The following IL1RAPL2 variants were observed in gnomAD, a reference collection of about 807,000 sequenced individuals.
IL1RAPL2 encodes X-linked interleukin-1 receptor accessory protein-like 2.
In IL1RAPL2, 3 loss-of-function variants were observed where a neutral mutation model predicts 44.1. The observed-to-expected ratio is 0.07, with a 90% CI of 0.03 to 0.18. The LOEUF (loss-of-function observed/expected upper bound fraction) is 0.18. Ranked by LOEUF, IL1RAPL2 falls within the 10% of genes least tolerant of loss-of-function variation. The pLI is 1.00. For missense variants in IL1RAPL2, 391 were observed against 496.4 expected (o/e 0.79, Z 2.02); for synonymous variants, 181 against 178.8 (o/e 1.01, Z -0.10).
At chrX:105,428,407 T>C (rs1167629125) in intron 5 of IL1RAPL2, among the ~76,000 whole-genome samples, 2 of 111,669 alleles carry the variant, frequency 1.8e-5, no homozygotes, top group African/African-American at 6.5e-5. Context: ...GACATTTGCA[T>C]TGACAATCTC....
intron 5 of IL1RAPL2, among the ~76,000 whole-genome samples, chrX:105,272,726 T>C (rs2034456873): frequency 2.7e-5 from 3 of 112,754 alleles, no homozygotes; most frequent in Admixed American, 1.9e-4. Flanking sequence ...TTGGGATCAG[T>C]CTTTGGTGAA....
chrX:105,089,057 A>G (rs1007341515), intron 2 of IL1RAPL2, among the ~76,000 whole-genome samples: 2 of 111,558 alleles, frequency 1.8e-5, no homozygotes, highest in Admixed American at 1.9e-4. Flanking sequence ...AGAATTACAT[A>G]CCATTCACTC....
chrX:105,622,278 A>AAATAAT (rs374952697), intron 6 of IL1RAPL2, among the ~76,000 whole-genome samples: 205 of 99,388 alleles, frequency 2.1e-3, no homozygotes, highest in East Asian at 0.018. Context: ...AAGTCAATAA[A>AAATAAT]AATAATAATA....
chrX:105,525,812 G>A (rs1439933115), intron 6 of IL1RAPL2, among the ~76,000 whole-genome samples: 1 of 111,440 alleles, frequency 9.0e-6, no homozygotes, highest in Non-Finnish European at 1.9e-5. Context: ...CTCTTCCCAA[G>A]TTAGCAAGAG....
At chrX:105,581,336 C>T (rs1248685018) in intron 6 of IL1RAPL2, among the ~76,000 whole-genome samples, 1 of 111,309 alleles carries the variant, frequency 9.0e-6, no homozygotes, top group African/African-American at 3.3e-5. Context: ...TAAAAATTAC[C>T]TATGCTTCTA....
intron 10 of IL1RAPL2, 32 bp downstream of exon 10, chrX:105,755,379 T>C: frequency 9.3e-7 from 1 of 1,069,959 alleles, no homozygotes; most frequent in Non-Finnish European, 1.3e-6. Flanking sequence ...GTTTAAAACG[T>C]TCTGTTTCTT....
chrX:105,738,017 G>A (rs1182536683), intron 7 of IL1RAPL2, among the ~76,000 whole-genome samples: 2 of 111,338 alleles, frequency 1.8e-5, no homozygotes, highest in Non-Finnish European at 3.8e-5. Context: ...AAATGTAAAG[G>A]GCTTGAGATT....
chrX:105,293,086 C>G (rs377200116), intron 5 of IL1RAPL2, among the ~76,000 whole-genome samples: 1 of 90,189 alleles, frequency 1.1e-5, no homozygotes, highest in Non-Finnish European at 2.1e-5. Context: ...CCACTGCACT[C>G]CAGCCTAGGC....
intron 2 of IL1RAPL2, among the ~76,000 whole-genome samples, chrX:104,975,131 T>C (rs1279469379): frequency 9.0e-6 from 1 of 111,528 alleles, no homozygotes; most frequent in Non-Finnish European, 1.9e-5. Context: ...CTTGCAGGAA[T>C]TTGCGGTTTC....
chrX:104,632,476 A>T (rs1929673958), intron 1 of IL1RAPL2, among the ~76,000 whole-genome samples: 1 of 111,427 alleles, frequency 9.0e-6, no homozygotes, highest in South Asian at 3.8e-4. Context: ...ACCCATGAGC[A>T]TGGAATGTTC....
chrX:105,528,665 C>T (rs1472501826), intron 6 of IL1RAPL2, among the ~76,000 whole-genome samples: 1 of 110,987 alleles, frequency 9.0e-6, no homozygotes, highest in Non-Finnish European at 1.9e-5. Flanking sequence ...TTCTAAACCA[C>T]TTGAGAGTCT....
At chrX:105,378,808 A>C (rs966656968) in intron 5 of IL1RAPL2, among the ~76,000 whole-genome samples, 1 of 112,099 alleles carries the variant, frequency 8.9e-6, no homozygotes, top group African/African-American at 3.2e-5. Context: ...AAAGTAAAAA[A>C]TGCATCAGCT....
intron 2 of IL1RAPL2, among the ~76,000 whole-genome samples, chrX:104,805,473 G>T (rs1250286160): frequency 2.7e-5 from 3 of 111,828 alleles, no homozygotes; most frequent in South Asian, 3.7e-4. Flanking sequence ...TGGACACATA[G>T]TGTTCAGTAC....
At chrX:105,644,056 T>C (rs142434807) in intron 6 of IL1RAPL2, among the ~76,000 whole-genome samples, 337 of 110,733 alleles carry the variant, frequency 3.0e-3, no homozygotes, top group African/African-American at 0.011. Flanking sequence ...CACGCCTGGC[T>C]AATTTTTTGT....
At chrX:105,679,968 A>G (rs1419905610) in intron 6 of IL1RAPL2, among the ~76,000 whole-genome samples, 3 of 111,433 alleles carry the variant, frequency 2.7e-5, no homozygotes, top group Admixed American at 9.5e-5. Flanking sequence ...GATTTTGCCA[A>G]TAGTATCTAC....
chrX:104,957,461 G>A (rs778218033), intron 2 of IL1RAPL2, among the ~76,000 whole-genome samples: 3 of 111,537 alleles, frequency 2.7e-5, no homozygotes, highest in Admixed American at 9.5e-5. Flanking sequence ...CCAGCTGGGG[G>A]TTCAGAGGGA....
At chrX:105,054,830 G>T (rs2031972959) in intron 2 of IL1RAPL2, among the ~76,000 whole-genome samples, 1 of 111,639 alleles carries the variant, frequency 9.0e-6, no homozygotes, top group South Asian at 3.8e-4. Flanking sequence ...TGTAGATATG[G>T]CCAAAGAGAA....
At chrX:104,600,027 C>T (rs1928849149) in intron 1 of IL1RAPL2, among the ~76,000 whole-genome samples, 1 of 111,420 alleles carries the variant, frequency 9.0e-6, no homozygotes, top group Non-Finnish European at 1.9e-5. Flanking sequence ...AAAACCCTTT[C>T]GTTGATATGC....
At chrX:105,001,336 G>A (rs1399702869) in intron 2 of IL1RAPL2, among the ~76,000 whole-genome samples, 2 of 111,519 alleles carry the variant, frequency 1.8e-5, no homozygotes, top group East Asian at 2.8e-4. Context: ...ATTCAGAGGA[G>A]TATATCTAGT....
Sources: allele counts gnomAD v4.1 joint callset (sites outside exome capture counted in the v4.1 genomes callset), GRCh38; gene constraint gnomAD v4.1.1; transcripts MANE v1.5; gene names NCBI Gene and HGNC (gene_info 2026-07-23, HGNC 2026-07-21).